The following MAP6 variants were observed in gnomAD, a reference collection of about 807,000 sequenced individuals.
MAP6 encodes microtubule-associated protein 6.
Under a neutral mutation model 42.4 loss-of-function variants are expected in MAP6, and 26 were observed. The ratio of observed to expected loss-of-function variants is 0.61; its 90% CI spans 0.45 to 0.85. The LOEUF (loss-of-function observed/expected upper bound fraction) is 0.85. Ranked by LOEUF, MAP6 falls within the 40% of genes least tolerant of loss-of-function variation. The probability of loss-of-function intolerance (pLI) is 0.00; values close to 1 mark genes in which losing one functional copy is unlikely to be tolerated. For synonymous variants in MAP6, 418 were observed against 443.8 expected (o/e 0.94, Z 0.73); for missense variants, 966 against 1,099.0 (o/e 0.88, Z 1.71).
At chr11:75,618,017 A>T (rs895491118) in intron 1 of MAP6, among the ~76,000 whole-genome samples, 71 of 152,168 alleles carry the variant, frequency 4.7e-4, no homozygotes, top group African/African-American at 1.7e-3. Context: ...CTTCGGGGGT[A>T]ACCTAGAGTT....
At chr11:75,588,556 G>A (rs1025550796) in intron 3 of MAP6, among the ~76,000 whole-genome samples, 2 of 152,072 alleles carry the variant, frequency 1.3e-5, no homozygotes, top group East Asian at 3.9e-4. Context: ...TTCTAGGATC[G>A]TTGGGCCCAT....
intron 1 of MAP6, among the ~76,000 whole-genome samples, chr11:75,654,717 A>C (rs557762591): frequency 5.9e-5 from 9 of 152,352 alleles, no homozygotes; most frequent in South Asian, 2.1e-4. Context: ...AGCACTTACT[A>C]TGATGAGTAT....
At chr11:75,601,189 T>G (rs1316868997) in intron 3 of MAP6, among the ~76,000 whole-genome samples, 1 of 152,154 alleles carries the variant, frequency 6.6e-6, no homozygotes, top group African/African-American at 2.4e-5. Flanking sequence ...TGACTCTGAG[T>G]GTGTCTCACC....
chr11:75,604,769 A>G (rs1295388372), intron 3 of MAP6: 1 of 985,348 alleles, frequency 1.0e-6, no homozygotes, highest in Admixed American at 6.1e-5. Flanking sequence ...ATTAGTTAGC[A>G]GGGCAGTCTC....
chr11:75,597,600 T>C (rs1942603656), intron 3 of MAP6, among the ~76,000 whole-genome samples: 1 of 152,222 alleles, frequency 6.6e-6, no homozygotes. Flanking sequence ...TCTAACACTA[T>C]GCTCCTGGGA....
At chr11:75,639,453 C>T (rs374388512) in intron 1 of MAP6, among the ~76,000 whole-genome samples, 3 of 152,066 alleles carry the variant, frequency 2.0e-5, no homozygotes, top group East Asian at 1.9e-4. Flanking sequence ...ATGAGTAAAA[C>T]GGATGCCGCT....
At chr11:75,615,326 G>C (rs769876329) in intron 1 of MAP6, among the ~76,000 whole-genome samples, 8 of 152,164 alleles carry the variant, frequency 5.3e-5, no homozygotes, top group Non-Finnish European at 1.0e-4. Flanking sequence ...ATTGATGTGG[G>C]GGTTAAATAA....
intron 1 of MAP6, among the ~76,000 whole-genome samples, chr11:75,664,742 G>A (rs574771569): frequency 2.6e-5 from 4 of 152,254 alleles, no homozygotes; most frequent in Admixed American, 2.6e-4. Flanking sequence ...GAGACAATAG[G>A]GAAGGAAAAT....
At chr11:75,617,856 TCAGTTGAGATTG>T (rs913553403) in intron 1 of MAP6, among the ~76,000 whole-genome samples, 1 of 152,166 alleles carries the variant, frequency 6.6e-6, no homozygotes, top group Non-Finnish European at 1.5e-5. Context: ...CATAGAGTTC[TCAGTTGAGATTG>T]AGGAGAGAAG....
chr11:75,605,756 TG>T, intron 3 of MAP6, 51 bp downstream of exon 3: 1 of 1,572,724 alleles, frequency 6.4e-7, no homozygotes, highest in Non-Finnish European at 8.6e-7. Flanking sequence ...AAAAAAAAGT[TG>T]GGGGGAGGGA....
At position 75,587,718 on chromosome 11, in the gene MAP6, G is replaced by C. The variant is rs746071298; in HGVS notation, c.1783C>G (p.Gln595Glu). 3.7e-5 allele frequency: 60 copies of C among 1,610,254 alleles called. No homozygotes were observed. Among genetic ancestry groups the C allele is most frequent in the Non-Finnish European group, 4.8e-5 (57 of 1,177,420 alleles). Residue 595 changes from glutamine (Q) to glutamate (E), a missense_variant, in exon 4 of 4, where the codon CAA becomes GAA. Gln to Glu is a conservative substitution (Grantham distance 29). Around this residue, in one of 2 missense-constraint regions of MAP6, gnomAD observed 943 missense variants for 1,049.9 expected, o/e 0.90. Coordinates refer to ENST00000304771, the MANE Select transcript of MAP6 (RefSeq NM_033063.2). ...GPMVSASVKD[Q>E]GPMVSAPVKD... is the part of the protein sequence containing the mutation. ...ACAGGTGCTGAGACCATGGGACCTT[G>C]ATCCTTGACAGATGCTGAGACCATG... is the stretch of plus-strand genomic sequence containing the variant.
chr11:75,642,744 A>G (rs1002611050), intron 1 of MAP6: 33 of 305,528 alleles, frequency 1.1e-4, no homozygotes, highest in African/African-American at 6.1e-4. Flanking sequence ...CAGAAAGTAT[A>G]GCTGGAATGC....
At chr11:75,605,757 G>A (rs199883873) in intron 3 of MAP6, 51 bp downstream of exon 3, 1 of 1,576,362 alleles carries the variant, frequency 6.3e-7, no homozygotes, top group Non-Finnish European at 8.6e-7. Flanking sequence ...AAAAAAAGTT[G>A]GGGGGAGGGA....
At position 75,587,087 on chromosome 11, in the gene MAP6, T is replaced by C; in HGVS notation, c.2414A>G (p.His805Arg). 2 of 1,603,316 alleles carry C rather than the reference T, an allele frequency of 1.2e-6. No individual in the cohort carries two copies. Among genetic ancestry groups the C allele is most frequent in the African/African-American group, 1.3e-5 (1 of 74,640 alleles). ...LPRVMIPTAP[H>R]TEYIESSP is the part of the protein sequence containing the mutation. ...AGGGGAGCTCTCAATGTATTCCGTA[T>C]GGGGGGCAGTTGGGATCATGACTCG... The change falls in exon 4 of 4, where the codon CAT (histidine) becomes CGT (arginine). Residue 805 changes from histidine (H) to arginine (R), a missense_variant. His to Arg is a conservative substitution (Grantham distance 29). Transcript: ENST00000304771.
At chr11:75,633,269 T>C (rs1455367192) in intron 1 of MAP6, among the ~76,000 whole-genome samples, 1 of 152,220 alleles carries the variant, frequency 6.6e-6, no homozygotes, top group East Asian at 1.9e-4. Flanking sequence ...AAAAGGTCCA[T>C]GTGCCTTTTG....
chr11:75,651,276 G>C (rs1398904461), intron 1 of MAP6, among the ~76,000 whole-genome samples: 1 of 152,144 alleles, frequency 6.6e-6, no homozygotes, highest in Admixed American at 6.5e-5. Context: ...GTCTGGACTG[G>C]GACTACTATG....
intron 1 of MAP6, among the ~76,000 whole-genome samples, chr11:75,633,504 T>C (rs568523457): frequency 3.9e-5 from 6 of 152,326 alleles, no homozygotes; most frequent in Admixed American, 3.9e-4. Flanking sequence ...CCCTGCCCTC[T>C]TGGAGAGCAG....
At chr11:75,633,994 G>C (rs899917503) in intron 1 of MAP6, among the ~76,000 whole-genome samples, 1 of 152,240 alleles carries the variant, frequency 6.6e-6, no homozygotes, top group Admixed American at 6.5e-5. Flanking sequence ...ATTCAGAACA[G>C]ACACTAGCTG....
chr11:75,623,970 C>T (rs899728663), intron 1 of MAP6, among the ~76,000 whole-genome samples: 1 of 152,210 alleles, frequency 6.6e-6, no homozygotes, highest in Non-Finnish European at 1.5e-5. Context: ...CCTGCGGTGG[C>T]CAGAGCTCTG....
Sources: allele counts gnomAD v4.1 joint callset (sites outside exome capture counted in the v4.1 genomes callset), GRCh38; gene constraint gnomAD v4.1.1; regional missense constraint gnomAD v4.1.1; transcripts MANE v1.5; gene names NCBI Gene and HGNC (gene_info 2026-07-23, HGNC 2026-07-21).